MMP28: variants seen among roughly 807,000 people sequenced by gnomAD.
The protein encoded by MMP28 is matrix metallopeptidase 28.
Under a neutral mutation model 60.5 loss-of-function variants are expected in MMP28, and 55 were observed. That is an observed-to-expected ratio of 0.91 (90% confidence interval 0.73 to 1.14). The LOEUF (loss-of-function observed/expected upper bound fraction) is 1.14. Ranked by LOEUF, MMP28 falls within the 50% of genes most tolerant of loss-of-function variation. The probability of loss-of-function intolerance (pLI) is 0.00; values close to 1 mark genes in which losing one functional copy is unlikely to be tolerated. For missense variants in MMP28, 686 were observed against 738.3 expected (o/e 0.93, Z 0.82); for synonymous variants, 318 against 312.5 (o/e 1.02, Z -0.18).
At chr17:35,768,488 G>A in intron 5 of MMP28, 109 bp from the exon 6 acceptor site, 1 of 924,760 alleles carries the variant, frequency 1.1e-6, no homozygotes, top group Non-Finnish European at 1.6e-6. Flanking sequence ...AATATGAGGG[G>A]CAAGGAAGGA....
chr17:35,765,984 G>T lies in MMP28; in HGVS notation c.*516C>A, dbSNP rs2085926463. 1.0e-6 allele frequency: 1 copy of T among 985,410 alleles called. No individual in the cohort carries two copies. The highest frequency in any genetic ancestry group is 6.1e-5 in the Admixed American group (1 of 16,278). 61.0% of individuals were successfully genotyped at this position (985,410 alleles called of 1,614,324 possible). On this transcript the variant is annotated 3_prime_UTR_variant, in exon 8 of 8. Transcript: ENST00000605424. ...ACTCTGTGTCCTGACCCCACAAAGG[G>T]CCTCTGAGGTTGGAGACGCCTGTGC... is the stretch of plus-strand genomic sequence containing the variant.
In MMP28 at chr17:35,766,410, CAG is replaced by C; in HGVS notation, c.*88_*89del. 2.1e-6 allele frequency: 3 copies of C among 1,440,108 alleles called. No homozygotes were observed. The highest frequency in any genetic ancestry group is 5.1e-4 in the Middle Eastern group (2 of 3,904). 89.2% of individuals were successfully genotyped at this position (1,440,108 alleles called of 1,614,324 possible). A position where few individuals can be genotyped will look rare whatever the true frequency, so the allele number is the denominator to read the frequency against. ...CTGCCCGGTCTTCTGCAGAGGGACT[CAG>C]AGGCTTCTAAGAGGGGTTCTGCCCC... is the stretch of plus-strand genomic sequence containing the variant. On this transcript the variant is annotated 3_prime_UTR_variant, in exon 8 of 8. Coordinates refer to ENST00000605424, the MANE Select transcript of MMP28 (RefSeq NM_024302.5). The surrounding 1 kb of genome is among the most constrained non-coding windows in gnomAD (Gnocchi z 4.3).
Position 35,779,072 on chromosome 17 carries a change from C to G in MMP28, c.195G>C (p.Ala65=), listed in dbSNP as rs184976878. The change falls in exon 3 of 8, where the codon GCG becomes GCC. Residue 65 remains alanine, a synonymous_variant. Coordinates refer to ENST00000605424, the MANE Select transcript of MMP28 (RefSeq NM_024302.5). ...CAGGTAGCTGGGACACCCACTGAAA[C>G]GCTCTGTCAGGAGGAAAGGACCGCA... ...TSTRFSDAIR[A]FQWVSQLPVS... is the part of the protein sequence containing the mutation. 9.9e-6 allele frequency: 16 copies of G among 1,613,610 alleles called. No individual in the cohort carries two copies. The African/African-American group carries it at 1.3e-4, about 13-fold the overall frequency.
At chr17:35,770,344 ACGGCCCACGACGCCCCCAGGTACTCG>A (rs1324929616) in intron 4 of MMP28, 32 bp from the exon 5 acceptor site, 10 of 1,461,294 alleles carry the variant, frequency 6.8e-6, no homozygotes, top group Admixed American at 2.6e-5. Flanking sequence ...AGGGGGTGCC[ACGGCCCACGACGCCCCCAGGTACTCG>A]CGGCCCAGCG....
chr17:35,768,191 A>G, intron 6 of MMP28, 39 bp downstream of exon 6: 14 of 1,562,498 alleles, frequency 9.0e-6, no homozygotes, highest in Non-Finnish European at 1.1e-5. Flanking sequence ...GAGATATGGA[A>G]GGAGAGAAAG....
At chr17:35,784,716 T>C (rs750168455) in intron 1 of MMP28, among the ~76,000 whole-genome samples, 1 of 152,114 alleles carries the variant, frequency 6.6e-6, no homozygotes, top group South Asian at 2.1e-4. Context: ...CCACAAACCC[T>C]CTTGGGGGCC....
chr17:35,789,732 G>C (rs1296185623), intron 1 of MMP28, among the ~76,000 whole-genome samples: 1 of 150,134 alleles, frequency 6.7e-6, no homozygotes, highest in Non-Finnish European at 1.5e-5. Flanking sequence ...AATTAGTTCT[G>C]TTTTGGTAAG....
chr17:35,792,127 A>G (rs994133701), intron 1 of MMP28, among the ~76,000 whole-genome samples: 1 of 152,128 alleles, frequency 6.6e-6, no homozygotes, highest in African/African-American at 2.4e-5. Context: ...TAAACGACAC[A>G]ACAGTATCTC....
At chr17:35,764,018 C>T (rs1555602066), downstream of MMP28, 1 of 1,544,792 alleles carries the variant, frequency 6.5e-7, no homozygotes, top group Non-Finnish European at 8.7e-7. Context: ...TGTGAAGACC[C>T]CCTTGTGGAA....
At chr17:35,777,159 C>T (rs1166415559) in intron 3 of MMP28, among the ~76,000 whole-genome samples, 1 of 152,212 alleles carries the variant, frequency 6.6e-6, no homozygotes, top group Non-Finnish European at 1.5e-5. Context: ...GGAACGGAGC[C>T]TCAGTGAGAA....
At chr17:35,764,841 G>A (rs1285885746), downstream of MMP28, 51 of 448,040 alleles carry the variant, frequency 1.1e-4, no homozygotes, top group African/African-American at 1.0e-3. Context: ...ATAACCTAGA[G>A]CCCGCTGTCA....
intron 1 of MMP28, among the ~76,000 whole-genome samples, chr17:35,786,667 G>T (rs1017247787): frequency 1.5e-5 from 2 of 130,162 alleles, no homozygotes; most frequent in East Asian, 4.5e-4. Flanking sequence ...CCAGGATTTC[G>T]AGACCAGCCT....
chr17:35,791,208 C>T (rs2086805307), intron 1 of MMP28, among the ~76,000 whole-genome samples: 1 of 151,854 alleles, frequency 6.6e-6, no homozygotes, highest in Non-Finnish European at 1.5e-5. Context: ...GACAGTGGCA[C>T]AGCACCTGGC....
chr17:35,771,696 AATATATATATATATAT>A (rs71366482), intron 4 of MMP28, among the ~76,000 whole-genome samples: 508 of 50,588 alleles, frequency 0.01, 15 homozygotes, highest in African/African-American at 0.026. Context: ...TATAGAAGTG[AATATATATATATATAT>A]ATATATATAT....
intron 2 of MMP28, chr17:35,757,216 T>C (rs2143037489): frequency 6.6e-6 from 1 of 152,014 alleles, no homozygotes; most frequent in Admixed American, 6.6e-5. Flanking sequence ...AAAAATGAAA[T>C]TGTTTTATAA....
At position 35,766,189 on chromosome 17, in the gene MMP28, A is replaced by G. The variant is rs2085932257; in HGVS notation, c.*311T>C. On this transcript the variant is annotated 3_prime_UTR_variant, in exon 8 of 8. Coordinates refer to ENST00000605424, the MANE Select transcript of MMP28 (RefSeq NM_024302.5). The surrounding 1 kb of genome is among the most constrained non-coding windows in gnomAD (Gnocchi z 4.3). ...CCCAGTGCTGTTACCTCTTGAAAGG[A>G]ACTGTACCTTTAGCCGAAGAAACAA... The G allele has an allele frequency of 8.7e-7, 1 of 1,151,398 alleles. No individual in the cohort carries two copies. Among genetic ancestry groups the G allele is most frequent in the Admixed American group, 4.2e-5 (1 of 23,880 alleles). The allele number at this position is 1,151,398 out of a possible 1,614,324, so 71.3% of individuals were successfully genotyped here.
At chr17:35,778,121 T>C (rs2086387098) in intron 3 of MMP28, among the ~76,000 whole-genome samples, 1 of 152,090 alleles carries the variant, frequency 6.6e-6, no homozygotes, top group African/African-American at 2.4e-5. Context: ...ATTTAACCCC[T>C]GGAATATTAA....
downstream of MMP28, among the ~76,000 whole-genome samples, chr17:35,765,546 G>A (rs1173881229): frequency 6.6e-6 from 1 of 152,234 alleles, no homozygotes; most frequent in Non-Finnish European, 1.5e-5. Flanking sequence ...TGCGGCCACT[G>A]TGAGAGCACA....
intron 1 of MMP28, among the ~76,000 whole-genome samples, chr17:35,781,375 G>A (rs1375382714): frequency 6.6e-6 from 1 of 152,196 alleles, no homozygotes; most frequent in Non-Finnish European, 1.5e-5. Flanking sequence ...GGCACTGGCT[G>A]TATGATCCTA....
Sources: gnomAD v4.1 joint callset for allele counts (sites outside exome capture counted in the v4.1 genomes callset) on GRCh38, gnomAD v4.1.1 for gene constraint, Gnocchi (gnomAD v3.1) non-coding constraint, MANE v1.5 for transcripts, NCBI Gene and HGNC (gene_info 2026-07-23, HGNC 2026-07-21) for gene names.